The following MSI2 variants were observed in gnomAD, a reference collection of about 807,000 sequenced individuals.
The protein encoded by MSI2 is musashi RNA binding protein 2.
Under a neutral mutation model 45.6 loss-of-function variants are expected in MSI2, and 17 were observed. The ratio of observed to expected loss-of-function variants is 0.37; its 90% CI spans 0.26 to 0.56. The LOEUF (loss-of-function observed/expected upper bound fraction) is 0.56, where lower values mean the gene tolerates loss of function less well. Among genes scored for constraint, MSI2 ranks in the 20% least tolerant of loss-of-function variants. MSI2 has a pLI of 0.77. For missense variants in MSI2, 293 were observed against 444.2 expected, an observed-to-expected ratio of 0.66 and a Z score of 3.06; for synonymous variants, 156 against 158.2, an observed-to-expected ratio of 0.99 and a Z score of 0.11.
At chr17:57,325,698 C>T (rs1913731973) in intron 5 of MSI2, among the ~76,000 whole-genome samples, 1 of 152,196 alleles carries the variant, frequency 6.6e-6, no homozygotes, top group African/African-American at 2.4e-5. Context: ...AGCTGGCCAC[C>T]TCCTTCCTCT....
At chr17:57,439,329 T>C (rs2084751707) in intron 6 of MSI2, among the ~76,000 whole-genome samples, 1 of 152,194 alleles carries the variant, frequency 6.6e-6, no homozygotes, top group South Asian at 2.1e-4. Flanking sequence ...AACCTGGTTG[T>C]GGCATGTCGT....
chr17:57,535,952 C>G (rs1336145498), intron 7 of MSI2, among the ~76,000 whole-genome samples: 1 of 152,198 alleles, frequency 6.6e-6, no homozygotes, highest in East Asian at 1.9e-4. Flanking sequence ...GGAGGAAGAA[C>G]AGCCCTTAAT....
intron 7 of MSI2, among the ~76,000 whole-genome samples, chr17:57,590,182 A>G (rs1334345021): frequency 6.6e-6 from 1 of 151,862 alleles, no homozygotes; most frequent in Non-Finnish European, 1.5e-5. Context: ...CATGACTTGC[A>G]TTGATTTTCA....
intron 11 of MSI2, among the ~76,000 whole-genome samples, chr17:57,655,340 G>T (rs1284449710): frequency 6.6e-6 from 1 of 152,178 alleles, no homozygotes; most frequent in Non-Finnish European, 1.5e-5. Flanking sequence ...GCCCCATCAT[G>T]TCCCACCCAA....
intron 5 of MSI2, among the ~76,000 whole-genome samples, chr17:57,394,507 C>A (rs1598210496): frequency 6.6e-6 from 1 of 152,354 alleles, no homozygotes; most frequent in Middle Eastern, 3.4e-3. Flanking sequence ...AAGGGCTTTT[C>A]CATAGGGGAA....
At chr17:57,298,610 G>A (rs372526249) in intron 5 of MSI2, among the ~76,000 whole-genome samples, 327 of 152,198 alleles carry the variant, frequency 2.1e-3, no homozygotes, top group African/African-American at 7.5e-3. Context: ...GCAGTGAGCC[G>A]AGATTGCACC....
At chr17:57,518,484 C>T (rs182653204) in intron 6 of MSI2, among the ~76,000 whole-genome samples, 63 of 152,358 alleles carry the variant, frequency 4.1e-4, no homozygotes, top group Middle Eastern at 6.8e-3. Context: ...TATTTACAGG[C>T]TGTGCATTTT....
At chr17:57,594,204 G>T (rs1905083615) in intron 7 of MSI2, among the ~76,000 whole-genome samples, 1 of 152,216 alleles carries the variant, frequency 6.6e-6, no homozygotes, top group African/African-American at 2.4e-5. Context: ...AGGCACGCTG[G>T]CCAATTTCCG....
chr17:57,273,523 T>G (rs1025330520), intron 5 of MSI2, among the ~76,000 whole-genome samples: 5 of 48,308 alleles, frequency 1.0e-4, no homozygotes, highest in Admixed American at 2.7e-4. Flanking sequence ...ACTGACATAG[T>G]GGGGATGTGG....
At chr17:57,313,611 G>A (rs1307681994) in intron 5 of MSI2, among the ~76,000 whole-genome samples, 3 of 152,242 alleles carry the variant, frequency 2.0e-5, no homozygotes, top group Non-Finnish European at 2.9e-5. Flanking sequence ...GCTGCCTAGT[G>A]GGAAACAAGA....
intron 6 of MSI2, among the ~76,000 whole-genome samples, chr17:57,417,495 C>G (rs905284524): frequency 6.6e-6 from 1 of 152,140 alleles, no homozygotes; most frequent in Non-Finnish European, 1.5e-5. Context: ...CACCTCAGGG[C>G]TTTACAGATG....
intron 7 of MSI2, among the ~76,000 whole-genome samples, chr17:57,548,239 C>A (rs183429313): frequency 1.3e-3 from 203 of 152,248 alleles, no homozygotes; most frequent in African/African-American, 4.3e-3. Flanking sequence ...AAGGGCTTAA[C>A]CTGTACAGAG....
At chr17:57,495,995 A>G (rs2085972213) in intron 6 of MSI2, among the ~76,000 whole-genome samples, 1 of 152,192 alleles carries the variant, frequency 6.6e-6, no homozygotes, top group Non-Finnish European at 1.5e-5. Context: ...TTGTGACAGT[A>G]ATAGGCTACA....
chr17:57,474,171 G>T (rs969049205), intron 6 of MSI2, among the ~76,000 whole-genome samples: 1 of 152,026 alleles, frequency 6.6e-6, no homozygotes, highest in Non-Finnish European at 1.5e-5. Context: ...ATGGGCCACC[G>T]GTACTGTTTC....
chr17:57,455,546 C>G (rs756962978), intron 6 of MSI2, among the ~76,000 whole-genome samples: 2 of 152,132 alleles, frequency 1.3e-5, no homozygotes, highest in African/African-American at 2.4e-5. Flanking sequence ...AAAAAGAGAT[C>G]GTCTTTAAAC....
chr17:57,441,094 T>A (rs1489620194), intron 6 of MSI2, among the ~76,000 whole-genome samples: 1 of 152,170 alleles, frequency 6.6e-6, no homozygotes, highest in East Asian at 1.9e-4. Context: ...GCAGTGACGC[T>A]GGTAACCCAC....
At chr17:57,441,384 C>T (rs1183589710) in intron 6 of MSI2, among the ~76,000 whole-genome samples, 1 of 152,230 alleles carries the variant, frequency 6.6e-6, no homozygotes, top group Non-Finnish European at 1.5e-5. Context: ...CTACACACTG[C>T]CTGCTCTGTC....
chr17:57,647,112 A>G (rs889221695), intron 10 of MSI2, among the ~76,000 whole-genome samples: 1 of 151,952 alleles, frequency 6.6e-6, no homozygotes, highest in African/African-American at 2.4e-5. Flanking sequence ...GATATTATGA[A>G]GGATACCAGA....
intron 6 of MSI2, among the ~76,000 whole-genome samples, chr17:57,477,703 G>A (rs986790238): frequency 6.6e-6 from 1 of 152,220 alleles, no homozygotes; most frequent in African/African-American, 2.4e-5. Context: ...AGAGAAGGCA[G>A]TGTGCTAGGT....
Sources: gnomAD v4.1 joint callset for allele counts (sites outside exome capture counted in the v4.1 genomes callset) on GRCh38, gnomAD v4.1.1 for gene constraint, MANE v1.5 for transcripts, NCBI Gene and HGNC (gene_info 2026-07-23, HGNC 2026-07-21) for gene names.